Variants in NKAIN3 observed in about 807,000 individuals in gnomAD.
The protein encoded by NKAIN3 is sodium/potassium-transporting ATPase subunit beta-1-interacting protein 3.
Under a neutral mutation model 30.2 loss-of-function variants are expected in NKAIN3, and 25 were observed. That is an observed-to-expected ratio of 0.83 (90% confidence interval 0.60 to 1.16). NKAIN3 has a LOEUF of 1.16. Among genes scored for constraint, NKAIN3 ranks in the 50% most tolerant of loss-of-function variants. The pLI, the probability that NKAIN3 is intolerant of heterozygous loss-of-function variation, is 0.00. For synonymous variants in NKAIN3, 91 were observed against 89.6 expected, an observed-to-expected ratio of 1.02 and a Z score of -0.09; for missense variants, 225 against 254.1, an observed-to-expected ratio of 0.89 and a Z score of 0.78.
At chr8:62,822,455 A>G (rs1818877310) in intron 4 of NKAIN3, among the ~76,000 whole-genome samples, 1 of 152,172 alleles carries the variant, frequency 6.6e-6, no homozygotes. Flanking sequence ...CTGATTTTGC[A>G]TGGCTTCTTA....
intron 3 of NKAIN3, among the ~76,000 whole-genome samples, chr8:62,627,008 G>T (rs1161074498): frequency 6.6e-6 from 1 of 152,162 alleles, no homozygotes; most frequent in South Asian, 2.1e-4. Context: ...TGCACTGGTA[G>T]CCAGAGCTAG....
chr8:62,568,150 C>A (rs1809815612), intron 1 of NKAIN3, among the ~76,000 whole-genome samples: 1 of 152,138 alleles, frequency 6.6e-6, no homozygotes. Flanking sequence ...CAGCATCATG[C>A]ATCCTATATT....
intron 1 of NKAIN3, among the ~76,000 whole-genome samples, chr8:62,523,727 A>G (rs957572341): frequency 2.6e-5 from 4 of 152,126 alleles, no homozygotes; most frequent in Admixed American, 6.6e-5. Context: ...TCTTATGACC[A>G]TGAAGACACC....
At chr8:62,988,917 A>C (rs1824259704), downstream of NKAIN3, among the ~76,000 whole-genome samples, 1 of 152,170 alleles carries the variant, frequency 6.6e-6, no homozygotes, top group African/African-American at 2.4e-5. Flanking sequence ...TCACCGCTTA[A>C]AAATTTCTTC....
chr8:62,869,778 T>C lies in NKAIN3; in HGVS notation c.472-48675T>C, dbSNP rs555604257. Reference sequence around the variant, plus strand: ...GTTTGTTTCTGTTTTTGTTTTTGTTTTTGTTTTGAGACAGAGTCTAGCTCT... The same window carrying C: ...GTTTGTTTCTGTTTTTGTTTTTGTTCTTGTTTTGAGACAGAGTCTAGCTCT... On this transcript the variant is annotated intron_variant, in intron 4 of 6. Coordinates refer to ENST00000623646, the MANE Select transcript of NKAIN3 (RefSeq NM_001304533.3). 2.0e-5 allele frequency among the ~76,000 whole-genome samples: 3 copies of C among 152,128 alleles called. No individual in the cohort carries two copies. The South Asian group carries it at 6.2e-4, about 32-fold the overall frequency.
chr8:62,379,143 T>C (rs1392214918), intron 1 of NKAIN3, among the ~76,000 whole-genome samples: 1 of 152,230 alleles, frequency 6.6e-6, no homozygotes, highest in Non-Finnish European at 1.5e-5. Context: ...CTGTTGGATT[T>C]TGGACTTACA....
At chr8:62,903,685 G>T (rs1476772967) in intron 4 of NKAIN3, among the ~76,000 whole-genome samples, 1 of 152,104 alleles carries the variant, frequency 6.6e-6, no homozygotes. Flanking sequence ...CTGTTCTCAC[G>T]CTGCTATGAA....
chr8:62,578,964 G>A (rs1810207640), intron 1 of NKAIN3, among the ~76,000 whole-genome samples: 1 of 151,844 alleles, frequency 6.6e-6, no homozygotes, highest in Non-Finnish European at 1.5e-5. Flanking sequence ...GAATGAATAA[G>A]ATCTGGTATT....
intron 1 of NKAIN3, among the ~76,000 whole-genome samples, chr8:62,408,492 G>T (rs945080124): frequency 2.6e-5 from 4 of 152,218 alleles, no homozygotes; most frequent in African/African-American, 9.6e-5. Context: ...AGTATGAAAG[G>T]TTAAAAATAA....
At chr8:62,393,058 A>G (rs570527838) in intron 1 of NKAIN3, among the ~76,000 whole-genome samples, 98 of 152,156 alleles carry the variant, frequency 6.4e-4, no homozygotes, top group African/African-American at 2.1e-3. Flanking sequence ...GGTCATACTT[A>G]GTGGAAAACG....
chr8:62,985,106 A>G (rs1824176519), downstream of NKAIN3, among the ~76,000 whole-genome samples: 3 of 152,176 alleles, frequency 2.0e-5, no homozygotes, highest in South Asian at 6.2e-4. Context: ...GCAACCCTGG[A>G]GAGCGTTTAA....
chr8:62,693,545 C>T (rs1190612552), intron 3 of NKAIN3, among the ~76,000 whole-genome samples: 1 of 152,232 alleles, frequency 6.6e-6, no homozygotes, highest in Non-Finnish European at 1.5e-5. Context: ...GACAACAGTA[C>T]ACACAATGAA....
intron 3 of NKAIN3, among the ~76,000 whole-genome samples, chr8:62,682,102 C>G (rs1010814172): frequency 1.3e-5 from 2 of 152,088 alleles, no homozygotes; most frequent in African/African-American, 4.8e-5. Flanking sequence ...ATCCACCAAC[C>G]CTTTGAAGGA....
chr8:62,749,979 G>A (rs1816225524), intron 4 of NKAIN3, among the ~76,000 whole-genome samples: 1 of 152,010 alleles, frequency 6.6e-6, no homozygotes, highest in Non-Finnish European at 1.5e-5. Context: ...ACCAAGCCTG[G>A]CCAGAATTGT....
chr8:62,363,849 T>C (rs1585725113), intron 1 of NKAIN3, among the ~76,000 whole-genome samples: 2 of 62,204 alleles, frequency 3.2e-5, no homozygotes, highest in Admixed American at 3.4e-4. Flanking sequence ...AAGAAAAAGA[T>C]AGTTTCTATT....
intron 1 of NKAIN3, among the ~76,000 whole-genome samples, chr8:62,414,137 T>A (rs1390794281): frequency 6.6e-6 from 1 of 152,184 alleles, no homozygotes; most frequent in Non-Finnish European, 1.5e-5. Context: ...CTATTCAGGA[T>A]GAGTAAAGAC....
chr8:62,591,000 A>T (rs910018536), intron 3 of NKAIN3, among the ~76,000 whole-genome samples: 6 of 152,006 alleles, frequency 3.9e-5, no homozygotes, highest in Non-Finnish European at 8.8e-5. Flanking sequence ...TAATTAAATT[A>T]ATGTCTAGTT....
chr8:62,479,464 C>A (rs920820991), intron 1 of NKAIN3, among the ~76,000 whole-genome samples: 2 of 152,100 alleles, frequency 1.3e-5, no homozygotes, highest in African/African-American at 4.8e-5. Context: ...TTCCAAAGGC[C>A]CTGTTCCCTC....
intron 4 of NKAIN3, among the ~76,000 whole-genome samples, chr8:62,813,131 C>A (rs1018782454): frequency 6.6e-6 from 1 of 151,840 alleles, no homozygotes; most frequent in Non-Finnish European, 1.5e-5. Flanking sequence ...GTTCTTGGCT[C>A]CTTTTTTGAA....
Sources: allele counts gnomAD v4.1 joint callset (sites outside exome capture counted in the v4.1 genomes callset), GRCh38; gene constraint gnomAD v4.1.1; transcripts MANE v1.5; gene names NCBI Gene and HGNC (gene_info 2026-07-23, HGNC 2026-07-21).